COL6A6: variants seen among roughly 807,000 people sequenced by gnomAD.
COL6A6 encodes the protein collagen type VI alpha 6 chain.
Under a neutral mutation model 208.6 loss-of-function variants are expected in COL6A6, and 183 were observed. The ratio of observed to expected loss-of-function variants is 0.88; its 90% confidence interval spans 0.78 to 0.99. The LOEUF is 0.99. Ranked by LOEUF, COL6A6 falls within the 50% of genes least tolerant of loss-of-function variation. COL6A6 has a pLI of 0.00. For synonymous variants in COL6A6, 973 were observed against 1,011.8 expected (o/e 0.96, Z 0.73); for missense variants, 2,816 against 2,815.2 (o/e 1.00, Z -0.01).
Position 130,610,706 on chromosome 3 carries a change from C to T in COL6A6, c.4810C>T (p.Pro1604Ser), listed in dbSNP as rs753308322. The change falls in exon 23 of 37, where the codon CCC becomes TCC. Residue 1604 changes from proline (P) to serine (S), a missense_variant. Transcript: ENST00000358511. Reference sequence around the variant, plus strand: ...AAAAGGAGGTGTGGGAAGTAAAGGTCCCCAGGTATGTAATGAGAAAAATGA... The same window carrying T: ...AAAAGGAGGTGTGGGAAGTAAAGGTTCCCAGGTATGTAATGAGAAAAATGA... ...GEKGGVGSKG[P>S]QGPPGPGGEA... 2.5e-6 allele frequency: 4 copies of T among 1,581,824 alleles called. No homozygotes were observed. In the East Asian group the frequency reaches 6.9e-5, roughly 27 times the overall value.
intron 1 of COL6A6, among the ~76,000 whole-genome samples, chr3:130,518,664 G>A (rs554658429): frequency 1.8e-4 from 27 of 152,256 alleles, no homozygotes; most frequent in African/African-American, 5.1e-4. Flanking sequence ...GAGCCACCAT[G>A]CCCGGCTAAT....
chr3:130,545,372 A>G (rs2062465691), intron 1 of COL6A6, among the ~76,000 whole-genome samples: 1 of 151,782 alleles, frequency 6.6e-6, no homozygotes. Flanking sequence ...TCAAACTTTC[A>G]TGATTTCTGA....
At chr3:130,567,692 G>A (rs1042800161) in intron 5 of COL6A6, among the ~76,000 whole-genome samples, 1 of 152,042 alleles carries the variant, frequency 6.6e-6, no homozygotes, top group Non-Finnish European at 1.5e-5. Flanking sequence ...TCAACGCCTA[G>A]AGACATTTCT....
At chr3:130,550,617 GA>G (rs2062620487) in intron 1 of COL6A6, among the ~76,000 whole-genome samples, 2 of 152,196 alleles carry the variant, frequency 1.3e-5, no homozygotes, top group South Asian at 4.1e-4. Context: ...AAATGAGGAA[GA>G]AGCAGAAGCA....
intron 7 of COL6A6, among the ~76,000 whole-genome samples, chr3:130,573,603 G>C (rs1435647478): frequency 8.4e-6 from 1 of 119,028 alleles, no homozygotes; most frequent in Non-Finnish European, 1.6e-5. Context: ...GTCTTGCTCT[G>C]TCACCCAGGC....
At chr3:130,656,141 T>TCTCTC (rs1481835767) in intron 33 of COL6A6, among the ~76,000 whole-genome samples, 1 of 152,172 alleles carries the variant, frequency 6.6e-6, no homozygotes, top group East Asian at 1.9e-4. Flanking sequence ...GCAGCTCTTC[T>TCTCTC]CTCTCCTCTC....
At chr3:130,657,954 A>G (rs886993800) in intron 33 of COL6A6, among the ~76,000 whole-genome samples, 4 of 152,152 alleles carry the variant, frequency 2.6e-5, no homozygotes, top group African/African-American at 9.6e-5. Flanking sequence ...AGTGAAGCTC[A>G]TAATTCTTGT....
Position 130,568,606 on chromosome 3 carries a change from T to C in COL6A6, c.2401+2T>C, listed in dbSNP as rs1397548745. ...TTGGAATATGCAGCCCCCGTGAAGG[T>C]AGGCATGGGCATACTCACTAGCAGG... On this transcript the variant is annotated splice_donor_variant, in intron 6 of 36. Transcript: ENST00000358511. LOFTEE classifies it high-confidence loss of function. The C allele has an allele frequency of 3.1e-6, 5 of 1,592,456 alleles. No homozygotes were observed. Among genetic ancestry groups the C allele is most frequent in the Admixed American group, 1.7e-5 (1 of 59,562 alleles).
chr3:130,581,246 A>G (rs2063413775), intron 8 of COL6A6, among the ~76,000 whole-genome samples: 1 of 152,188 alleles, frequency 6.6e-6, no homozygotes, highest in South Asian at 2.1e-4. Flanking sequence ...GACTAATGAC[A>G]TTTCCACAGT....
At chr3:130,640,021 C>T (rs1281912816) in intron 28 of COL6A6, among the ~76,000 whole-genome samples, 9 of 152,190 alleles carry the variant, frequency 5.9e-5, no homozygotes, top group Non-Finnish European at 7.3e-5. Flanking sequence ...CCTGGAGTCC[C>T]ACCTTGGTTT....
At chr3:130,612,118 CT>C (rs2108221586) in intron 23 of COL6A6, among the ~76,000 whole-genome samples, 1 of 152,184 alleles carries the variant, frequency 6.6e-6, no homozygotes, top group East Asian at 1.9e-4. Context: ...TGATCTTGTT[CT>C]TTTTTATGGC....
chr3:130,642,694 C>T (rs2065351850), intron 29 of COL6A6, 138 bp from the exon 30 acceptor site: 1 of 677,762 alleles, frequency 1.5e-6, no homozygotes, highest in Non-Finnish European at 2.5e-6. Flanking sequence ...TACCTACCTG[C>T]ATTCTTTTTT....
chr3:130,517,212 G>A lies in COL6A6; in HGVS notation c.-217G>A, dbSNP rs974104190. On this transcript the variant is annotated 5_prime_UTR_variant, in exon 1 of 37. Coordinates refer to ENST00000358511, the MANE Select transcript of COL6A6 (RefSeq NM_001102608.3). The stretch of plus-strand genomic sequence containing the variant: ...TGCCTGCGGGACACCGGAGTCAAGA[G>A]GCTGCCCACGCCGCTGCCTGTCCGT... Among the ~76,000 whole-genome samples the A allele has an allele frequency of 1.7e-4, 26 of 152,234 alleles. No homozygotes were observed. Among genetic ancestry groups the A allele is most frequent in the Admixed American group, 3.3e-4 (5 of 15,294 alleles).
At chr3:130,541,823 T>C (rs1577648134) in intron 1 of COL6A6, among the ~76,000 whole-genome samples, 2 of 152,214 alleles carry the variant, frequency 1.3e-5, no homozygotes, top group Non-Finnish European at 2.9e-5. Flanking sequence ...GTTTTGGAAG[T>C]TTATTATTTA....
chr3:130,534,415 T>A (rs2062177723), intron 1 of COL6A6, among the ~76,000 whole-genome samples: 1 of 152,164 alleles, frequency 6.6e-6, no homozygotes, highest in African/African-American at 2.4e-5. Flanking sequence ...TAGTAGCTTA[T>A]TTCTTATTTA....
chr3:130,527,143 T>C (rs2061978203), intron 1 of COL6A6, among the ~76,000 whole-genome samples: 1 of 152,210 alleles, frequency 6.6e-6, no homozygotes, highest in East Asian at 1.9e-4. Context: ...TTTCAAAAAC[T>C]CCTAATGGAT....
intron 36 of COL6A6, among the ~76,000 whole-genome samples, chr3:130,673,220 A>AAAAAAAAAAAACC (rs1553724907): frequency 0.017 from 2,165 of 129,536 alleles, 65 homozygotes; most frequent in African/African-American, 0.059. Flanking sequence ...AAAAAAACAA[A>AAAAAAAAAAAACC]AAAAAAAAAC....
chr3:130,566,942 A>G lies in COL6A6; in HGVS notation c.1523A>G (p.Gln508Arg), dbSNP rs780921807. ...GGAAAGGCCATTGAGAATATCAGGC[A>G]GATGGGTGGGAATACAAACACAGGC... ...DLGKAIENIR[Q>R]MGGNTNTGAA... Residue 508 changes from glutamine (Q) to arginine (R), a missense_variant, in exon 5 of 37, where the codon CAG (glutamine) becomes CGG (arginine). Gln to Arg is a conservative substitution (Grantham distance 43). Coordinates refer to ENST00000358511, the MANE Select transcript of COL6A6 (RefSeq NM_001102608.3). 1.2e-6 allele frequency: 2 copies of G among 1,613,986 alleles called. No individual in the cohort carries two copies. The highest frequency in any genetic ancestry group is 2.2e-5 in the East Asian group (1 of 44,880).
intron 7 of COL6A6, among the ~76,000 whole-genome samples, chr3:130,571,842 A>ATTTTTTTTTT (rs67080729): frequency 1.8e-5 from 2 of 110,854 alleles, no homozygotes; most frequent in African/African-American, 3.8e-5. Context: ...GGCATGGCTA[A>ATTTTTTTTTT]TTTTTTTTTT....
Sources: gnomAD v4.1 joint callset for allele counts (sites outside exome capture counted in the v4.1 genomes callset) on GRCh38, gnomAD v4.1.1 for gene constraint, MANE v1.5 for transcripts, NCBI Gene and HGNC (gene_info 2026-07-23, HGNC 2026-07-21) for gene names.